The following KCNQ4 variants were observed in gnomAD, a reference collection of about 807,000 sequenced individuals.
KCNQ4 encodes the protein potassium voltage-gated channel subfamily KQT member 4.
KCNQ4 carries 31 observed loss-of-function variants against 72.6 expected under a neutral mutation model. The ratio of observed to expected loss-of-function variants is 0.43; its 90% CI spans 0.32 to 0.58. The LOEUF (loss-of-function observed/expected upper bound fraction) is 0.58. Ranked by LOEUF, KCNQ4 falls within the 20% of genes least tolerant of loss-of-function variation. The pLI, the probability that KCNQ4 is intolerant of heterozygous loss-of-function variation, is 0.08. For synonymous variants in KCNQ4, 405 were observed against 403.7 expected, an observed-to-expected ratio of 1.00 and a Z score of -0.04; for missense variants, 869 against 962.6, an observed-to-expected ratio of 0.90 and a Z score of 1.29.
intron 1 of KCNQ4, among the ~76,000 whole-genome samples, chr1:40,786,510 A>G (rs1647204652): frequency 6.6e-6 from 1 of 152,200 alleles, no homozygotes; most frequent in Non-Finnish European, 1.5e-5. Context: ...GCCCAGGGCC[A>G]GGGCATGTCT....
intron 1 of KCNQ4, among the ~76,000 whole-genome samples, chr1:40,814,330 A>G (rs1570823212): frequency 6.6e-6 from 1 of 152,234 alleles, no homozygotes; most frequent in East Asian, 1.9e-4. Flanking sequence ...CTGGGATTAC[A>G]GGCATGAGCC....
rs189131034 is a variant in KCNQ4, at chr1:40,811,272, G to A, written c.315-5993G>A. Among the ~76,000 whole-genome samples the A allele has an allele frequency of 4.1e-3, 618 of 152,310 alleles. 2 individuals carry two copies. The highest frequency in any genetic ancestry group is 0.014 in the African/African-American group (594 of 41,554). On this transcript the variant is annotated intron_variant, in intron 1 of 13. Transcript: ENST00000347132. ...GCTTTCCCCCTCCTGCCCTGTGGCC[G>A]CTTCTGGACAGTGACTTGAGGAGGT...
At chr1:40,814,708 A>AC (rs58740390) in intron 1 of KCNQ4, among the ~76,000 whole-genome samples, 6,289 of 151,854 alleles carry the variant, frequency 0.041, 437 homozygotes, top group African/African-American at 0.14. Flanking sequence ...TGTCTCAAAA[A>AC]AAAACAAAAC....
In KCNQ4 at chr1:40,835,172, AAC is replaced by A. The variant is rs886778940; in HGVS notation, c.1745+75_1745+76del. The A allele has an allele frequency of 1.9e-6, 3 of 1,560,122 alleles. No individual in the cohort carries two copies. In the African/African-American group the frequency reaches 4.1e-5, roughly 21 times the overall value. ...CCAGCCCTGAATGAAGTCTGAGGCC[AAC>A]CCCCGAGCACCCCCAAGGGCTCACT... On this transcript the variant is annotated intron_variant, in intron 12 of 13. Coordinates refer to ENST00000347132, the MANE Select transcript of KCNQ4 (RefSeq NM_004700.4).
Position 40,833,087 on chromosome 1 carries a change from T to C in KCNQ4, c.1587T>C (p.Ala529=). 6.2e-7 allele frequency: 1 copy of C among 1,612,556 alleles called. No individual in the cohort carries two copies. Among genetic ancestry groups the C allele is most frequent in the Non-Finnish European group, 8.5e-7 (1 of 1,179,838 alleles). ...TCACGGTGGACGACATCATGCCTGCTGTGAAGACAGTCATCCGCTCCATCA... is the reference window on the plus strand; with the variant it reads ...TCACGGTGGACGACATCATGCCTGCCGTGAAGACAGTCATCCGCTCCATCA... The part of the protein sequence containing the change: ...CELTVDDIMP[A]VKTVIRSIRI... Residue 529 remains alanine, a synonymous_variant, in exon 11 of 14, where the codon GCT becomes GCC. Coordinates refer to ENST00000347132, the MANE Select transcript of KCNQ4 (RefSeq NM_004700.4).
chr1:40,792,677 C>T lies in KCNQ4; in HGVS notation c.314+8270C>T, dbSNP rs545494219. Among the ~76,000 whole-genome samples, 40 of 152,116 alleles carry T rather than the reference C, an allele frequency of 2.6e-4. No homozygotes were observed. The East Asian group carries it at 7.1e-3, about 27-fold the overall frequency. ...ATTGGTGGCAGTCTGGTGGGAGAGA[C>T]GGGGGACGGGGAAAGGACAGTGTGA... On this transcript the variant is annotated intron_variant, in intron 1 of 13. Transcript: ENST00000347132.
intron 11 of KCNQ4, among the ~76,000 whole-genome samples, chr1:40,834,428 G>A (rs943945364): frequency 6.6e-6 from 1 of 151,980 alleles, no homozygotes; most frequent in African/African-American, 2.4e-5. Flanking sequence ...CTCCACACAG[G>A]CTGGCAGAGC....
chr1:40,816,870 C>T (rs1468508126), intron 1 of KCNQ4, among the ~76,000 whole-genome samples: 11 of 152,064 alleles, frequency 7.2e-5, no homozygotes, highest in African/African-American at 1.2e-4. Context: ...TCCCTGAGCC[C>T]TGGGCTGACC....
intron 9 of KCNQ4, among the ~76,000 whole-genome samples, chr1:40,830,231 A>G (rs1339606251): frequency 1.3e-5 from 2 of 152,162 alleles, no homozygotes; most frequent in African/African-American, 4.8e-5. Context: ...ATGTTATCAA[A>G]TAGAGACCCT....
intron 13 of KCNQ4, among the ~76,000 whole-genome samples, 179 bp from the exon 14 acceptor site, chr1:40,838,132 C>T (rs574755353): frequency 2.0e-5 from 3 of 152,268 alleles, no homozygotes; most frequent in African/African-American, 4.8e-5. Context: ...GGGTTATGCA[C>T]CAGTGCCCAG....
rs769150864 is a variant in KCNQ4 at position 40,794,823 on chromosome 1, C to T, written c.314+10416C>T. ...GGTGCGTGAAATCCCTGAGTCTGGG[C>T]GCCATCCCGGCTCCTCCCCACTGAG... On this transcript the variant is annotated intron_variant, in intron 1 of 13. Transcript: ENST00000347132. The surrounding 1 kb of genome is among the most constrained non-coding windows in gnomAD (Gnocchi z 4.2). Among the ~76,000 whole-genome samples, 25 of 152,150 alleles carry T rather than the reference C, an allele frequency of 1.6e-4. No individual in the cohort carries two copies. The highest frequency in any genetic ancestry group is 2.8e-4 in the Non-Finnish European group (19 of 68,036).
intron 1 of KCNQ4, among the ~76,000 whole-genome samples, chr1:40,816,380 C>T (rs1362477555): frequency 6.6e-6 from 1 of 152,160 alleles, no homozygotes; most frequent in Non-Finnish European, 1.5e-5. Context: ...GCAAGGCCAC[C>T]AGTTTCTCTC....
rs1209671583 is a variant in KCNQ4, at chr1:40,820,199, A to C, written c.980A>C (p.Gln327Pro). Residue 327 changes from glutamine to proline, a missense_variant, in exon 7 of 14, where the codon CAG becomes CCG. Gln to Pro is a moderately conservative substitution (Grantham distance 76). Around this residue, in one of 5 missense-constraint regions of KCNQ4, gnomAD observed 19 missense variants for 26.4 expected, o/e 0.72. Coordinates refer to ENST00000347132, the MANE Select transcript of KCNQ4 (RefSeq NM_004700.4). ...GGCTCCGGCTTTGCCCTGAAGGTCC[A>C]GGAGCAGCACCGGCAGAAGCACTTC... ...ILGSGFALKVQEQHRQKHFEK... is the reference protein window; with the variant it reads ...ILGSGFALKVPEQHRQKHFEK... 1 of 1,610,930 alleles carries C rather than the reference A, an allele frequency of 6.2e-7. No homozygotes were observed.
rs1172676136 is a variant in KCNQ4 at position 40,819,904 on chromosome 1, C to T, written c.864C>T (p.Asp288=). ...CATTGACAACCATCGGCTATGGTGACAAGACACCGCACACATGGCTGGGCA... is the reference window on the plus strand; with the variant it reads ...CATTGACAACCATCGGCTATGGTGATAAGACACCGCACACATGGCTGGGCA... ...TITLTTIGYG[D]KTPHTWLGRV... The change falls in exon 6 of 14, where the codon GAC becomes GAT. Residue 288 remains aspartate (D), a synonymous_variant. Transcript: ENST00000347132. 21 of 1,614,188 alleles carry T rather than the reference C, an allele frequency of 1.3e-5. No homozygotes were observed. The highest frequency in any genetic ancestry group is 1.7e-5 in the Non-Finnish European group (20 of 1,179,982).
Position 40,838,919 on chromosome 1 carries a change from G to T in KCNQ4, c.*396G>T, listed in dbSNP as rs1033304780. ...GGTGAGGTCTCTGGCCCACCCTTCG[G>T]ACACAGCAGGGAAGCCCTCCCGCCA... On this transcript the variant is annotated 3_prime_UTR_variant, in exon 14 of 14. Coordinates refer to ENST00000347132, the MANE Select transcript of KCNQ4 (RefSeq NM_004700.4). The T allele has an allele frequency of 9.2e-6, 3 of 324,816 alleles. No homozygotes were observed. Among genetic ancestry groups the T allele is most frequent in the Admixed American group, 4.2e-5 (1 of 23,654 alleles). The allele number at this position is 324,816 out of a possible 1,614,324, so 20.1% of individuals were successfully genotyped here.
Position 40,838,769 on chromosome 1 carries a change from C to G in KCNQ4, c.*246C>G, listed in dbSNP as rs1245685009. On this transcript the variant is annotated 3_prime_UTR_variant, in exon 14 of 14. Coordinates refer to ENST00000347132, the MANE Select transcript of KCNQ4 (RefSeq NM_004700.4). ...AGCAGCAGCGGCCGTCCCGCGGCCT[C>G]TGGGCCCCCCAGTGCCCTGCCCACT... The G allele has an allele frequency of 3.4e-6, 2 of 584,668 alleles. No homozygotes were observed. Among genetic ancestry groups the G allele is most frequent in the East Asian group, 5.8e-5 (2 of 34,716 alleles). 36.2% of individuals were successfully genotyped at this position (584,668 alleles called of 1,614,324 possible). A position where few individuals can be genotyped will look rare whatever the true frequency, so the allele number is the denominator to read the frequency against.
intron 9 of KCNQ4, among the ~76,000 whole-genome samples, chr1:40,825,595 G>A (rs1648451692): frequency 1.3e-5 from 2 of 152,084 alleles, no homozygotes; most frequent in African/African-American, 4.8e-5. Flanking sequence ...GCTGGAGGGA[G>A]GGGAAGCGTG....
chr1:40,836,123 A>G (rs1015036818), intron 12 of KCNQ4, among the ~76,000 whole-genome samples: 1 of 152,226 alleles, frequency 6.6e-6, no homozygotes, highest in Admixed American at 6.5e-5. Flanking sequence ...GGGTGGACAC[A>G]GGTAGACCAA....
intron 1 of KCNQ4, among the ~76,000 whole-genome samples, chr1:40,806,974 T>C (rs1366359463): frequency 6.6e-6 from 1 of 152,156 alleles, no homozygotes; most frequent in East Asian, 1.9e-4. Context: ...CTGTCATGTG[T>C]CGCTCTGCAG....
Sources: allele counts gnomAD v4.1 joint callset (sites outside exome capture counted in the v4.1 genomes callset), GRCh38; gene constraint gnomAD v4.1.1; regional missense constraint gnomAD v4.1.1; non-coding constraint Gnocchi (gnomAD v3.1); transcripts MANE v1.5; gene names NCBI Gene and HGNC (gene_info 2026-07-23, HGNC 2026-07-21).